Variants in INTS9 observed in about 807,000 individuals in gnomAD.
INTS9 encodes integrator complex subunit 9.
In INTS9, 55 loss-of-function variants were observed where a neutral mutation model predicts 79.7. The observed-to-expected ratio is 0.69, with a 90% CI of 0.56 to 0.86. INTS9 has a LOEUF of 0.86. INTS9 is among the 40% of genes least tolerant of loss of function. The pLI, the probability that INTS9 is intolerant of heterozygous loss-of-function variation, is 0.00. For synonymous variants in INTS9, 319 were observed against 325.2 expected, an observed-to-expected ratio of 0.98 and a Z score of 0.20; for missense variants, 721 against 831.5, an observed-to-expected ratio of 0.87 and a Z score of 1.64.
intron 8 of INTS9, among the ~76,000 whole-genome samples, chr8:28,805,354 G>A (rs1411790596): frequency 6.6e-6 from 1 of 151,892 alleles, no homozygotes; most frequent in Admixed American, 6.6e-5. Context: ...TTAAATGTGA[G>A]AAAAAAATTA....
chr8:28,860,994 G>A lies in INTS9; in HGVS notation c.10-1431C>T, dbSNP rs367801263. On this transcript the variant is annotated intron_variant, in intron 1 of 16. Coordinates refer to ENST00000521022, the MANE Select transcript of INTS9 (RefSeq NM_018250.4). Reference sequence around the variant, plus strand: ...AAACTGCATGTTCTAAAAATGGTAAGGCCAAGAGCCAAGAAGTTGTATTTT... The same window carrying A: ...AAACTGCATGTTCTAAAAATGGTAAAGCCAAGAGCCAAGAAGTTGTATTTT... Among the ~76,000 whole-genome samples the A allele has an allele frequency of 6.6e-5, 10 of 152,314 alleles. 1 individual carries two copies. Among genetic ancestry groups the A allele is most frequent in the African/African-American group, 2.4e-4 (10 of 41,564 alleles).
intron 4 of INTS9, among the ~76,000 whole-genome samples, chr8:28,839,126 C>T (rs576078291): frequency 6.6e-6 from 1 of 152,108 alleles, no homozygotes; most frequent in South Asian, 2.1e-4. Flanking sequence ...ATAATACATC[C>T]CCACGAAGAA....
At chr8:28,795,223 A>T (rs367569270) in intron 9 of INTS9, among the ~76,000 whole-genome samples, 1 of 152,126 alleles carries the variant, frequency 6.6e-6, no homozygotes, top group East Asian at 1.9e-4. Flanking sequence ...TGTGTCCCCC[A>T]CAAGATTCTC....
At chr8:28,846,619 G>A in intron 4 of INTS9, 128 bp downstream of exon 4, 1 of 699,638 alleles carries the variant, frequency 1.4e-6, no homozygotes, top group Non-Finnish European at 2.5e-6. Flanking sequence ...GTAACAATGT[G>A]CCTGGAATAA....
rs1033893496 is a variant in INTS9, at chr8:28,774,412, G to C, written c.1563+1347C>G. Among the ~76,000 whole-genome samples the C allele has an allele frequency of 2.6e-4, 39 of 152,162 alleles. 1 individual carries two copies. The highest frequency in any genetic ancestry group is 8.7e-4 in the African/African-American group (36 of 41,434). On this transcript the variant is annotated intron_variant, in intron 14 of 16. Coordinates refer to ENST00000521022, the MANE Select transcript of INTS9 (RefSeq NM_018250.4). Reference sequence around the variant, plus strand: ...ACAAAACCTCTTTGGAGTTCTATTTGTAAGGATGTCTGAGACCAAAAGGTT... The same window carrying C: ...ACAAAACCTCTTTGGAGTTCTATTTCTAAGGATGTCTGAGACCAAAAGGTT...
intron 1 of INTS9, chr8:28,862,126 C>G: frequency 1.0e-6 from 1 of 985,434 alleles, no homozygotes; most frequent in Non-Finnish European, 1.2e-6. Context: ...GGGCCCAGAC[C>G]CTGTGGCCTC....
intron 1 of INTS9, among the ~76,000 whole-genome samples, chr8:28,860,702 C>T (rs919447873): frequency 3.3e-5 from 5 of 152,212 alleles, no homozygotes; most frequent in Admixed American, 2.0e-4. Context: ...TGGTCACAAA[C>T]TCCTAACCTC....
chr8:28,815,863 C>T (rs17059485), intron 6 of INTS9, among the ~76,000 whole-genome samples: 2,482 of 152,030 alleles, frequency 0.016, 65 homozygotes, highest in African/African-American at 0.057. Context: ...TGAAGAGACA[C>T]GAAACTACAC....
intron 3 of INTS9, among the ~76,000 whole-genome samples, chr8:28,847,817 A>G (rs755253962): frequency 2.0e-5 from 3 of 152,214 alleles, no homozygotes; most frequent in Non-Finnish European, 2.9e-5. Flanking sequence ...ACTGAGCCAC[A>G]TACAACTTGG....
chr8:28,860,778 G>A (rs766148244), intron 1 of INTS9, among the ~76,000 whole-genome samples: 10 of 152,142 alleles, frequency 6.6e-5, no homozygotes, highest in Non-Finnish European at 1.3e-4. Flanking sequence ...CATGGCGCCC[G>A]ACCCTCTCCT....
At chr8:28,849,218 C>T (rs527545985) in intron 3 of INTS9, among the ~76,000 whole-genome samples, 3 of 152,210 alleles carry the variant, frequency 2.0e-5, no homozygotes, top group African/African-American at 7.2e-5. Context: ...TAAGAATTGG[C>T]CTGAGGGGGC....
At chr8:28,849,055 T>C (rs921508763) in intron 3 of INTS9, among the ~76,000 whole-genome samples, 22 of 152,212 alleles carry the variant, frequency 1.4e-4, no homozygotes, top group Admixed American at 7.2e-4. Context: ...AGGGTGCAGT[T>C]ACAGGAATTA....
At chr8:28,778,423 C>A (rs1306882896) in intron 12 of INTS9, among the ~76,000 whole-genome samples, 1 of 152,208 alleles carries the variant, frequency 6.6e-6, no homozygotes, top group Non-Finnish European at 1.5e-5. Context: ...GAAAAACTGA[C>A]TTCACAGTGG....
chr8:28,791,074 G>A (rs1446021772), intron 10 of INTS9, among the ~76,000 whole-genome samples: 1 of 152,066 alleles, frequency 6.6e-6, no homozygotes, highest in Non-Finnish European at 1.5e-5. Flanking sequence ...AGTAAGTCCT[G>A]CCCCTTGTAT....
At chr8:28,817,572 T>C (rs1362501243) in intron 6 of INTS9, among the ~76,000 whole-genome samples, 3 of 152,232 alleles carry the variant, frequency 2.0e-5, no homozygotes, top group Non-Finnish European at 2.9e-5. Flanking sequence ...GCAGTATAGT[T>C]TGAAGTCAGG....
At chr8:28,841,424 C>T (rs1025541913) in intron 4 of INTS9, among the ~76,000 whole-genome samples, 3 of 152,196 alleles carry the variant, frequency 2.0e-5, no homozygotes, top group Admixed American at 6.5e-5. Context: ...CTCATGTGTA[C>T]AGAAACTGGG....
At chr8:28,857,437 G>T (rs1201022608) in intron 2 of INTS9, among the ~76,000 whole-genome samples, 1 of 152,110 alleles carries the variant, frequency 6.6e-6, no homozygotes, top group Admixed American at 6.5e-5. Context: ...CTAGTGGAGT[G>T]GTGTGGGCAG....
intron 4 of INTS9, among the ~76,000 whole-genome samples, chr8:28,839,779 C>T (rs1416369847): frequency 2.0e-5 from 3 of 151,806 alleles, no homozygotes; most frequent in Admixed American, 1.3e-4. Flanking sequence ...ACACCTTATA[C>T]AAAAATTAAT....
At chr8:28,872,482 G>A (rs530688374) in intron 1 of INTS9, among the ~76,000 whole-genome samples, 1 of 151,746 alleles carries the variant, frequency 6.6e-6, no homozygotes, top group African/African-American at 2.4e-5. Context: ...TGGCCACCTG[G>A]AATAAAAACT....
Sources: allele counts gnomAD v4.1 joint callset (sites outside exome capture counted in the v4.1 genomes callset), GRCh38; gene constraint gnomAD v4.1.1; transcripts MANE v1.5; gene names NCBI Gene and HGNC (gene_info 2026-07-23, HGNC 2026-07-21).